Variants in SLX4IP observed in about 807,000 individuals in gnomAD.
SLX4IP encodes the protein protein SLX4IP.
A neutral mutation model predicts 32.9 loss-of-function variants in SLX4IP; 34 were observed. That is an observed-to-expected ratio of 1.03 (90% confidence interval 0.79 to 1.38). SLX4IP has a LOEUF of 1.38. SLX4IP is among the 40% of genes most tolerant of loss of function. The probability of loss-of-function intolerance (pLI) is 0.00; values close to 1 mark genes in which losing one functional copy is unlikely to be tolerated. For synonymous variants in SLX4IP, 172 were observed against 171.7 expected, an observed-to-expected ratio of 1.00 and a Z score of -0.01; for missense variants, 444 against 479.0, an observed-to-expected ratio of 0.93 and a Z score of 0.68.
chr20:10,437,460 C>T (rs530529896), intron 1 of SLX4IP, among the ~76,000 whole-genome samples: 9 of 152,294 alleles, frequency 5.9e-5, no homozygotes, highest in South Asian at 2.1e-4. Context: ...ACAGAAACAA[C>T]TTTTACGTTT....
intron 3 of SLX4IP, among the ~76,000 whole-genome samples, chr20:10,557,907 C>G (rs561980564): frequency 6.6e-6 from 1 of 152,322 alleles, no homozygotes; most frequent in East Asian, 1.9e-4. Context: ...CATGACTTAG[C>G]AAAGCTGTGC....
chr20:10,454,892 C>T (rs938176709), intron 1 of SLX4IP, among the ~76,000 whole-genome samples: 2 of 152,190 alleles, frequency 1.3e-5, no homozygotes, highest in Admixed American at 1.3e-4. Flanking sequence ...TTATTCACAT[C>T]CTTGCCAACA....
At chr20:10,473,789 A>G (rs553942930) in intron 2 of SLX4IP, among the ~76,000 whole-genome samples, 1 of 150,924 alleles carries the variant, frequency 6.6e-6, no homozygotes, top group Admixed American at 6.6e-5. Flanking sequence ...AATGTTTAGT[A>G]GAGACGGGGT....
At chr20:10,493,859 CTTTTT>C (rs58299545) in intron 2 of SLX4IP, among the ~76,000 whole-genome samples, 64 of 70,546 alleles carry the variant, frequency 9.1e-4, no homozygotes, top group African/African-American at 3.2e-3. Flanking sequence ...TTATAGTTGC[CTTTTT>C]TTTTTTTTTT....
At chr20:10,437,484 TAG>T (rs2065124977) in intron 1 of SLX4IP, among the ~76,000 whole-genome samples, 1 of 152,216 alleles carries the variant, frequency 6.6e-6, no homozygotes, top group Non-Finnish European at 1.5e-5. Flanking sequence ...GTTGCTATGT[TAG>T]ATTTTCTCTC....
At chr20:10,499,548 T>C (rs1336335290) in intron 2 of SLX4IP, among the ~76,000 whole-genome samples, 1 of 152,194 alleles carries the variant, frequency 6.6e-6, no homozygotes, top group Non-Finnish European at 1.5e-5. Context: ...TTCATGAAAA[T>C]CAATGTGCTT....
intron 6 of SLX4IP, chr20:10,614,051 G>A (rs751320752): frequency 1.4e-5 from 21 of 1,505,058 alleles, no homozygotes; most frequent in East Asian, 4.5e-5. Context: ...GGAAGCAGCG[G>A]GTGGCGTCCT....
intron 6 of SLX4IP, among the ~76,000 whole-genome samples, chr20:10,618,917 TACTTGTTTGGGG>T (rs2067071206): frequency 7.0e-6 from 1 of 141,894 alleles, no homozygotes; most frequent in African/African-American, 2.6e-5. Flanking sequence ...TCCTAAGGAA[TACTTGTTTGGGG>T]GCTTGGGGGT....
At chr20:10,561,103 T>C (rs898640670) in intron 4 of SLX4IP, among the ~76,000 whole-genome samples, 2 of 152,214 alleles carry the variant, frequency 1.3e-5, no homozygotes, top group Non-Finnish European at 2.9e-5. Context: ...TTATTTTTAG[T>C]AGACTTAATA....
chr20:10,500,254 C>T (rs1472412401), intron 2 of SLX4IP, among the ~76,000 whole-genome samples: 1 of 150,958 alleles, frequency 6.6e-6, no homozygotes, highest in African/African-American at 2.4e-5. Flanking sequence ...CCTCAGCCTC[C>T]TGAGTTGCGA....
intron 6 of SLX4IP, among the ~76,000 whole-genome samples, chr20:10,618,015 C>T (rs1277044379): frequency 3.9e-5 from 6 of 152,220 alleles, no homozygotes; most frequent in South Asian, 4.1e-4. Context: ...GCACCTAGCT[C>T]ATCCTGGTGG....
At chr20:10,476,142 C>CTGTGTG (rs143264128) in intron 2 of SLX4IP, among the ~76,000 whole-genome samples, 3 of 150,824 alleles carry the variant, frequency 2.0e-5, no homozygotes, top group Non-Finnish European at 3.0e-5. Flanking sequence ...ACATCCCTCA[C>CTGTGTG]TGTGTGTGTG....
At chr20:10,492,694 G>A (rs147109827) in intron 2 of SLX4IP, among the ~76,000 whole-genome samples, 29 of 152,076 alleles carry the variant, frequency 1.9e-4, no homozygotes, top group African/African-American at 7.0e-4. Context: ...TACTTTTTAG[G>A]TCTGCTTGAA....
intron 2 of SLX4IP, among the ~76,000 whole-genome samples, chr20:10,467,430 T>C (rs941395988): frequency 2.0e-5 from 3 of 152,238 alleles, no homozygotes; most frequent in Non-Finnish European, 2.9e-5. Flanking sequence ...TTTACAGAGA[T>C]TTGTCCCTGT....
intron 2 of SLX4IP, among the ~76,000 whole-genome samples, chr20:10,487,464 C>T (rs1185378850): frequency 1.3e-5 from 2 of 152,192 alleles, no homozygotes; most frequent in African/African-American, 4.8e-5. Context: ...CAGACTCAGG[C>T]ATACTTAGGC....
intron 2 of SLX4IP, among the ~76,000 whole-genome samples, chr20:10,492,518 G>A (rs866469123): frequency 1.3e-5 from 2 of 151,998 alleles, no homozygotes; most frequent in African/African-American, 4.8e-5. Context: ...AGGACTGTTT[G>A]TTGTTATCTT....
At chr20:10,559,152 G>T (rs1384513569) in intron 3 of SLX4IP, among the ~76,000 whole-genome samples, 6 of 151,980 alleles carry the variant, frequency 3.9e-5, no homozygotes, top group Admixed American at 2.0e-4. Context: ...CTATGAGGCG[G>T]CAAGGCTGCC....
At chr20:10,586,391 T>G (rs2066645697) in intron 4 of SLX4IP, among the ~76,000 whole-genome samples, 1 of 152,182 alleles carries the variant, frequency 6.6e-6, no homozygotes. Context: ...TTTGCCTTAT[T>G]TGGATATGGT....
At chr20:10,447,253 C>T (rs2122325406) in intron 1 of SLX4IP, among the ~76,000 whole-genome samples, 1 of 152,268 alleles carries the variant, frequency 6.6e-6, no homozygotes, top group Non-Finnish European at 1.5e-5. Flanking sequence ...GAGTCTGCCC[C>T]CTCTGCCTGT....
Sources: gnomAD v4.1 joint callset for allele counts (sites outside exome capture counted in the v4.1 genomes callset) on GRCh38, gnomAD v4.1.1 for gene constraint, MANE v1.5 for transcripts, NCBI Gene and HGNC (gene_info 2026-07-23, HGNC 2026-07-21) for gene names.